ERCC2: variants seen among roughly 807,000 people sequenced by gnomAD.
ERCC2 encodes general transcription and DNA repair factor IIH helicase subunit XPD.
In ERCC2, 90 loss-of-function variants were observed where a neutral mutation model predicts 99.4. The ratio of observed to expected loss-of-function variants is 0.91; its 90% CI spans 0.76 to 1.08. The LOEUF is 1.08. Ranked by LOEUF, ERCC2 falls within the 50% of genes least tolerant of loss-of-function variation. The pLI is 0.00. For synonymous variants in ERCC2, 497 were observed against 432.4 expected (o/e 1.15, Z -1.85); for missense variants, 993 against 1,038.1 (o/e 0.96, Z 0.60).
rs1425622317 is a variant in ERCC2, at chr19:45,351,258, T to TGTG, written c.*370_*371insCAC. 6.2e-7 allele frequency: 1 copy of TGTG among 1,606,200 alleles called. No homozygotes were observed. Among genetic ancestry groups the TGTG allele is most frequent in the Middle Eastern group, 1.7e-4 (1 of 6,026 alleles). On this transcript the variant is annotated 3_prime_UTR_variant, in exon 23 of 23. Coordinates refer to ENST00000391945, the MANE Select transcript of ERCC2 (RefSeq NM_000400.4). ...TGTAACACTTGCCCCTCACCTCCCC[T>TGTG]CCAACCATCCCCTGTGCCTGTCTCC...
intron 11 of ERCC2, among the ~76,000 whole-genome samples, chr19:45,362,522 G>A (rs909152957): frequency 6.6e-6 from 1 of 152,222 alleles, no homozygotes; most frequent in East Asian, 1.9e-4. Context: ...TAGAGCAGCT[G>A]GCTTTGAAGC....
intron 19 of ERCC2, 92 bp from the exon 20 acceptor site, chr19:45,352,908 T>C (rs1487569522): frequency 2.4e-5 from 32 of 1,319,426 alleles, no homozygotes; most frequent in Admixed American, 8.8e-5. Context: ...TGTGTCTGAG[T>C]TGGGGGGAGA....
rs192908789 is a variant in ERCC2 at position 45,349,901 on chromosome 19, C to A, written c.*1728G>T. The A allele has an allele frequency of 6.6e-6, 3 of 457,484 alleles. No individual in the cohort carries two copies. The highest frequency in any genetic ancestry group is 3.9e-6 in the Non-Finnish European group (1 of 256,154). 28.3% of individuals were successfully genotyped at this position (457,484 alleles called of 1,614,324 possible). A position where few individuals can be genotyped will look rare whatever the true frequency, so the allele number is the denominator to read the frequency against. ...TCCCCTCTTAGCCCGGTCCCCACAT[C>A]GCTAGTTCTTATAGCGTCCCTATGA... On this transcript the variant is annotated 3_prime_UTR_variant, in exon 23 of 23. Transcript: ENST00000391945.
At chr19:45,356,484 G>A (rs1310913477) in intron 15 of ERCC2, among the ~76,000 whole-genome samples, 1 of 152,138 alleles carries the variant, frequency 6.6e-6, no homozygotes, top group Non-Finnish European at 1.5e-5. Context: ...CACAGCATAG[G>A]CCTTGTCTCT....
chr19:45,370,573 C>A lies in ERCC2; in HGVS notation c.-33G>T. On this transcript the variant is annotated 5_prime_UTR_variant, in exon 1 of 23. Coordinates refer to ENST00000391945, the MANE Select transcript of ERCC2 (RefSeq NM_000400.4). ...GCCGGACTGTGCAGCGGGGTCGACC[C>A]GCCTCCCTCATGAATATTCAGCGAG... 6.3e-7 allele frequency: 1 copy of A among 1,589,436 alleles called. No homozygotes were observed. Among genetic ancestry groups the A allele is most frequent in the East Asian group, 2.3e-5 (1 of 44,058 alleles).
In ERCC2 at chr19:45,351,568, A is replaced by T. The variant is rs1971779116; in HGVS notation, c.*61T>A. On this transcript the variant is annotated 3_prime_UTR_variant, in exon 23 of 23. Coordinates refer to ENST00000391945, the MANE Select transcript of ERCC2 (RefSeq NM_000400.4). ...ACCTTCTAGCACCACCGCCGCTGGG[A>T]ACCAGGGCCAGGCAAGACTCAGGAG... 6.2e-7 allele frequency: 1 copy of T among 1,610,286 alleles called. No homozygotes were observed. The highest frequency in any genetic ancestry group is 1.1e-5 in the South Asian group (1 of 91,076).
intron 20 of ERCC2, 24 bp from the exon 21 acceptor site, chr19:45,352,673 CTGGGGAGG>C (rs763918581): frequency 1.9e-6 from 3 of 1,613,828 alleles, no homozygotes; most frequent in African/African-American, 1.3e-5. Flanking sequence ...GGATGAGAAG[CTGGGGAGG>C]TGGGGGAGCC....
chr19:45,363,395 T>G (rs976920146), intron 11 of ERCC2, among the ~76,000 whole-genome samples: 1 of 152,108 alleles, frequency 6.6e-6, no homozygotes, highest in African/African-American at 2.4e-5. Context: ...ACTCCCTCCC[T>G]GCCGCTGTGG....
Position 45,364,527 on chromosome 19 carries a change from C to G in ERCC2, c.615G>C (p.Val205=), listed in dbSNP as rs368913401. 11 of 1,613,460 alleles carry G rather than the reference C, an allele frequency of 6.8e-6. No homozygotes were observed. The highest frequency in any genetic ancestry group is 7.6e-6 in the Non-Finnish European group (9 of 1,179,994). Residue 205 remains valine (V), a synonymous_variant, in exon 8 of 23, where the codon GTG becomes GTC. Coordinates refer to ENST00000391945, the MANE Select transcript of ERCC2 (RefSeq NM_000400.4). ...ARYSILHANV[V]VYSYHYLLDP... is the part of the protein sequence containing the mutation. ...CCAGGAGGTAGTGGTAGCTATAAACCACCACATTGGCATGCAGGATCTGGG... is the reference window on the plus strand; with the variant it reads ...CCAGGAGGTAGTGGTAGCTATAAACGACCACATTGGCATGCAGGATCTGGG...
chr19:45,357,755 C>A, intron 12 of ERCC2, 56 bp from the exon 13 acceptor site: 1 of 1,492,022 alleles, frequency 6.7e-7, no homozygotes, highest in Non-Finnish European at 9.3e-7. Flanking sequence ...ACAGCTGCAC[C>A]CACTCAGTCA....
intron 11 of ERCC2, among the ~76,000 whole-genome samples, chr19:45,362,494 A>G (rs975867574): frequency 6.6e-6 from 1 of 152,228 alleles, no homozygotes; most frequent in Non-Finnish European, 1.5e-5. Flanking sequence ...ACACACAGGC[A>G]GGGCCGAGGC....
chr19:45,357,446 C>T, intron 14 of ERCC2, 28 bp downstream of exon 14: 1 of 1,613,238 alleles, frequency 6.2e-7, no homozygotes. Context: ...AGGTCAGGGA[C>T]TAGGAGGGGA....
intron 8 of ERCC2, 28 bp from the exon 9 acceptor site, chr19:45,364,359 G>A: frequency 1.9e-6 from 3 of 1,613,898 alleles, no homozygotes; most frequent in African/African-American, 2.7e-5. Flanking sequence ...AGCCGGCTCA[G>A]GCAGGCCTGC....
chr19:45,355,816 T>A, intron 15 of ERCC2, 88 bp from the exon 16 acceptor site: 1 of 200,414 alleles, frequency 5.0e-6, no homozygotes, highest in Non-Finnish European at 6.9e-6. Context: ...GTTCTAAGCT[T>A]TTTTTTTTTT....
At chr19:45,360,008 CAG>C (rs1370465979) in intron 12 of ERCC2, among the ~76,000 whole-genome samples, 1 of 151,912 alleles carries the variant, frequency 6.6e-6, no homozygotes, top group East Asian at 1.9e-4. Context: ...CTCCTGACCT[CAG>C]GTGATCCACC....
Position 45,357,638 on chromosome 19 carries a change from C to T in ERCC2, c.1299G>A (p.Leu433=). The T allele has an allele frequency of 1.2e-6, 2 of 1,614,110 alleles. No individual in the cohort carries two copies. The highest frequency in any genetic ancestry group is 1.7e-6 in the Non-Finnish European group (2 of 1,180,002). ...DRTPTIANPI[L]HFSCMDASLA... ...ACCGGGCAGGGTCCCACCTGAAGTGCAGGATGGGGTTGGCAATGGTCGGGG... is the reference window on the plus strand; with the variant it reads ...ACCGGGCAGGGTCCCACCTGAAGTGTAGGATGGGGTTGGCAATGGTCGGGG... Residue 433 remains leucine (L), a synonymous_variant, in exon 13 of 23, where the codon CTG becomes CTA. Coordinates refer to ENST00000391945, the MANE Select transcript of ERCC2 (RefSeq NM_000400.4).
At chr19:45,365,684 G>A (rs895057239) in intron 5 of ERCC2, among the ~76,000 whole-genome samples, 3 of 151,240 alleles carry the variant, frequency 2.0e-5, no homozygotes, top group Admixed American at 6.6e-5. Context: ...CCAGCTACTC[G>A]GGAGGCTGAG....
At position 45,352,823 on chromosome 19, in the gene ERCC2, G is replaced by T; in HGVS notation, c.1832-7C>A. 6.2e-7 allele frequency: 1 copy of T among 1,613,610 alleles called. No individual in the cohort carries two copies. Among genetic ancestry groups the T allele is most frequent in the East Asian group, 2.2e-5 (1 of 44,846 alleles). On this transcript the variant is annotated splice_region_variant and splice_polypyrimidine_tract_variant and intron_variant, in intron 19 of 22. Coordinates refer to ENST00000391945, the MANE Select transcript of ERCC2 (RefSeq NM_000400.4). ...GCCCGCCCGTAGTGGTGCACTGGTG[G>T]GCAGAGGAGAGGGGGCGAGGGGGGT...
Position 45,352,599 on chromosome 19 carries a change from A to G in ERCC2, c.1953T>C (p.Phe651=). The G allele has an allele frequency of 6.2e-7, 1 of 1,614,022 alleles. No individual in the cohort carries two copies. Reference sequence around the variant, plus strand: ...CGTGGCGCATGGCATCGAAGGTAAGAAAGTCATTCTCACGAATCTGGAACT... The same window carrying G: ...CGTGGCGCATGGCATCGAAGGTAAGGAAGTCATTCTCACGAATCTGGAACT... ...RDQFQIREND[F]LTFDAMRHAA... is the part of the protein sequence containing the mutation. The change falls in exon 21 of 23, where the codon TTT becomes TTC. Residue 651 remains phenylalanine (F), a synonymous_variant. Coordinates refer to ENST00000391945, the MANE Select transcript of ERCC2 (RefSeq NM_000400.4).
Sources: gnomAD v4.1 joint callset for allele counts (sites outside exome capture counted in the v4.1 genomes callset) on GRCh38, gnomAD v4.1.1 for gene constraint, MANE v1.5 for transcripts, NCBI Gene and HGNC (gene_info 2026-07-23, HGNC 2026-07-21) for gene names.